RPS6KA2: variants seen among roughly 807,000 people sequenced by gnomAD.
RPS6KA2 encodes ribosomal protein S6 kinase A2.
A neutral mutation model predicts 91.8 loss-of-function variants in RPS6KA2; 42 were observed. The observed-to-expected ratio is 0.46, with a 90% CI of 0.36 to 0.59. The LOEUF (loss-of-function observed/expected upper bound fraction) is 0.59, where lower values mean the gene tolerates loss of function less well. Among genes scored for constraint, RPS6KA2 ranks in the 20% least tolerant of loss-of-function variants. The pLI is 0.00. For synonymous variants in RPS6KA2, 414 were observed against 393.6 expected, an observed-to-expected ratio of 1.05 and a Z score of -0.61; for missense variants, 798 against 978.5, an observed-to-expected ratio of 0.82 and a Z score of 2.46.
chr6:166,488,702 G>A (rs988020334), intron 10 of RPS6KA2, 131 bp downstream of exon 10: 8 of 654,952 alleles, frequency 1.2e-5, no homozygotes, highest in Non-Finnish European at 2.2e-5. Flanking sequence ...TCAACCTCTA[G>A]GTGAGGTCTG....
At chr6:166,472,790 C>T (rs1232862606) in intron 10 of RPS6KA2, among the ~76,000 whole-genome samples, 1 of 152,094 alleles carries the variant, frequency 6.6e-6, no homozygotes, top group Admixed American at 6.5e-5. Context: ...CTACGGGATG[C>T]GGATGACACG....
rs1583000985 is a variant in RPS6KA2, at chr6:166,666,990, G to C, written c.124-128206C>G. 6.6e-6 allele frequency among the ~76,000 whole-genome samples: 1 copy of C among 152,192 alleles called. No homozygotes were observed. Among genetic ancestry groups the C allele is most frequent in the African/African-American group, 2.4e-5 (1 of 41,448 alleles). On this transcript the variant is annotated intron_variant, in intron 2 of 21. Coordinates refer to the RPS6KA2 transcript ENST00000503859. The surrounding 1 kb of genome is among the most constrained non-coding windows in gnomAD (Gnocchi z 4.0). ...GACATTATGTGAAGTGAAATAAGCT[G>C]ATCACAAAAAGACAAATACTGTATG...
chr6:166,744,603 C>G (rs988811947), intron 2 of RPS6KA2, among the ~76,000 whole-genome samples: 1 of 152,190 alleles, frequency 6.6e-6, no homozygotes, highest in African/African-American at 2.4e-5. Context: ...GCAGCAGGGC[C>G]CACCCTGTGG....
chr6:166,806,976 G>A (rs574533817), intron 2 of RPS6KA2, among the ~76,000 whole-genome samples: 74 of 152,240 alleles, frequency 4.9e-4, no homozygotes, highest in African/African-American at 1.7e-3. Flanking sequence ...GTTAAATTTA[G>A]TCTCTGTGTT....
chr6:166,832,848 A>G (rs1240508386), intron 2 of RPS6KA2, among the ~76,000 whole-genome samples: 3 of 152,216 alleles, frequency 2.0e-5, no homozygotes. Flanking sequence ...TAAATGTTAG[A>G]AAAGAATTGA....
intron 1 of RPS6KA2, among the ~76,000 whole-genome samples, chr6:166,564,921 C>T (rs1784450165): frequency 6.6e-6 from 1 of 152,106 alleles, no homozygotes; most frequent in Non-Finnish European, 1.5e-5. Flanking sequence ...ACATGTGATC[C>T]CTTATATGTC....
intron 1 of RPS6KA2, among the ~76,000 whole-genome samples, chr6:166,622,272 G>A (rs1786669318): frequency 6.6e-6 from 1 of 152,134 alleles, no homozygotes; most frequent in Non-Finnish European, 1.5e-5. Context: ...GAGAAAGTAT[G>A]TAATGAAATT....
chr6:166,846,073 A>G (rs1357135527), intron 2 of RPS6KA2, among the ~76,000 whole-genome samples: 1 of 152,196 alleles, frequency 6.6e-6, no homozygotes, highest in African/African-American at 2.4e-5. Context: ...CAAGGCTACT[A>G]TGAACACATT....
intron 2 of RPS6KA2, among the ~76,000 whole-genome samples, chr6:166,775,186 A>T (rs977396373): frequency 3.3e-5 from 5 of 152,042 alleles, no homozygotes; most frequent in Non-Finnish European, 7.4e-5. Flanking sequence ...TTGATTCTTA[A>T]ATGGCTTTGA....
At chr6:166,521,467 G>A (rs1332991544) in intron 3 of RPS6KA2, among the ~76,000 whole-genome samples, 1 of 152,246 alleles carries the variant, frequency 6.6e-6, no homozygotes, top group Admixed American at 6.5e-5. Flanking sequence ...TATTTTCTCT[G>A]TTGGGTTTTA....
At chr6:166,461,300 G>C (rs118160187) in intron 11 of RPS6KA2, among the ~76,000 whole-genome samples, 23 of 152,104 alleles carry the variant, frequency 1.5e-4, no homozygotes, top group Middle Eastern at 3.2e-3. Context: ...GCACAGGACA[G>C]GTGGGAATAA....
intron 2 of RPS6KA2, among the ~76,000 whole-genome samples, chr6:166,713,178 C>T (rs1789916820): frequency 6.6e-6 from 1 of 152,192 alleles, no homozygotes; most frequent in Non-Finnish European, 1.5e-5. Flanking sequence ...CGGAACACAA[C>T]TCACTTTCTC....
At chr6:166,622,851 G>A (rs6456098) in intron 1 of RPS6KA2, among the ~76,000 whole-genome samples, 33,160 of 152,122 alleles carry the variant, frequency 0.22, 3,887 homozygotes, top group African/African-American at 0.32. Flanking sequence ...CTTATACCCT[G>A]ATAGCAAGCT....
intron 3 of RPS6KA2, among the ~76,000 whole-genome samples, chr6:166,518,921 C>A (rs1054044862): frequency 7.2e-5 from 11 of 152,190 alleles, no homozygotes; most frequent in African/African-American, 2.7e-4. Flanking sequence ...CTTTGCTGGG[C>A]AGAGCTGCAA....
Position 166,537,938 on chromosome 6 carries a change from G to A in RPS6KA2, c.216+730C>T, listed in dbSNP as rs894421712. ...TCACGTGTCATCATAATTGAAAAGC[G>A]TTATTGACATCTTGTTGTATGTGGA... On this transcript the variant is annotated intron_variant, in intron 2 of 20. Coordinates refer to ENST00000265678, the MANE Select transcript of RPS6KA2 (RefSeq NM_021135.6). Among the ~76,000 whole-genome samples the A allele has an allele frequency of 5.3e-4, 81 of 152,214 alleles. 1 individual carries two copies. Among genetic ancestry groups the A allele is most frequent in the Admixed American group, 5.0e-3 (76 of 15,290 alleles).
At chr6:166,731,563 A>G (rs1276355750) in intron 2 of RPS6KA2, among the ~76,000 whole-genome samples, 2 of 152,056 alleles carry the variant, frequency 1.3e-5, no homozygotes, top group African/African-American at 2.4e-5. Context: ...TGATTCTGTA[A>G]TGACCTCTAG....
chr6:166,756,151 G>C (rs1477572598), intron 2 of RPS6KA2, among the ~76,000 whole-genome samples: 1 of 152,052 alleles, frequency 6.6e-6, no homozygotes, highest in Admixed American at 6.5e-5. Context: ...TTAGCCAGGC[G>C]TGGTGGCAGG....
rs1253327820 is a variant in RPS6KA2, at chr6:166,717,814, G to T, written c.123+140386C>A. Among the ~76,000 whole-genome samples the T allele has an allele frequency of 2.0e-5, 3 of 151,444 alleles. No individual in the cohort carries two copies. In the East Asian group the frequency reaches 5.8e-4, roughly 29 times the overall value. Reference sequence around the variant, plus strand: ...TGTTATAGATTTTTCGCCGATGATTGTTTTATTATTTGTCATTTTTCTTTT... The same window carrying T: ...TGTTATAGATTTTTCGCCGATGATTTTTTTATTATTTGTCATTTTTCTTTT... On this transcript the variant is annotated intron_variant, in intron 2 of 21. Coordinates refer to the RPS6KA2 transcript ENST00000503859.
intron 2 of RPS6KA2, among the ~76,000 whole-genome samples, chr6:166,736,410 C>A (rs567739959): frequency 1.3e-5 from 2 of 152,288 alleles, no homozygotes; most frequent in Admixed American, 6.5e-5. Flanking sequence ...TCACATTAAC[C>A]CTTTACTTCT....
Sources: gnomAD v4.1 joint callset for allele counts (sites outside exome capture counted in the v4.1 genomes callset) on GRCh38, gnomAD v4.1.1 for gene constraint, Gnocchi (gnomAD v3.1) non-coding constraint, MANE v1.5 for transcripts, NCBI Gene and HGNC (gene_info 2026-07-23, HGNC 2026-07-21) for gene names.